The following GPAM variants were observed in gnomAD, a reference collection of about 807,000 sequenced individuals.
GPAM encodes the protein glycerol-3-phosphate acyltransferase, mitochondrial.
A neutral mutation model predicts 105.0 loss-of-function variants in GPAM; 56 were observed. The observed-to-expected ratio is 0.53, with a 90% CI of 0.43 to 0.67. GPAM has a LOEUF of 0.67. GPAM is among the 30% of genes least tolerant of loss of function. The pLI, the probability that GPAM is intolerant of heterozygous loss-of-function variation, is 0.00. For missense variants in GPAM, 855 were observed against 989.8 expected, an observed-to-expected ratio of 0.86 and a Z score of 1.83; for synonymous variants, 368 against 354.4, an observed-to-expected ratio of 1.04 and a Z score of -0.43.
chr10:112,159,847 G>T, intron 17 of GPAM, 64 bp downstream of exon 17: 5 of 1,493,130 alleles, frequency 3.3e-6, no homozygotes, highest in East Asian at 2.3e-5. Flanking sequence ...AAACACGGGG[G>T]GTTACGTTTT....
At chr10:112,171,312 A>G (rs1347405288) in intron 9 of GPAM, among the ~76,000 whole-genome samples, 1 of 152,100 alleles carries the variant, frequency 6.6e-6, no homozygotes, top group Non-Finnish European at 1.5e-5. Context: ...AATTCGAGCT[A>G]CTAAGTACTT....
At chr10:112,157,154 G>T in intron 19 of GPAM, 95 bp downstream of exon 19, 1 of 1,090,690 alleles carries the variant, frequency 9.2e-7, no homozygotes, top group Non-Finnish European at 1.4e-6. Flanking sequence ...GGATTCTTTA[G>T]ATAAGAAGAC....
chr10:112,171,272 G>A (rs61872275), intron 9 of GPAM, among the ~76,000 whole-genome samples: 13,631 of 152,014 alleles, frequency 0.09, 830 homozygotes, highest in South Asian at 0.18. Context: ...CCTCTATTGA[G>A]CCCCCATAGG....
intron 1 of GPAM, among the ~76,000 whole-genome samples, chr10:112,199,839 A>G (rs1289276042): frequency 1.3e-5 from 2 of 152,148 alleles, no homozygotes; most frequent in East Asian, 1.9e-4. Context: ...CCATGGGAAC[A>G]GTATGGGGGA....
rs1289474619 is a variant in GPAM, at chr10:112,168,348, A to G, written c.1071T>C (p.Asp357=). The G allele has an allele frequency of 6.2e-7, 1 of 1,609,752 alleles. No individual in the cohort carries two copies. Among genetic ancestry groups the G allele is most frequent in the Non-Finnish European group, 8.5e-7 (1 of 1,175,984 alleles). ...ILIIPVGISY[D]RIIEGHYNGE... ...CATTGTAGTGACCTTCGATAATGCG[A>G]TCATAGGAGATTCCAACAGGTATTA... The change falls in exon 11 of 22, where the codon GAT becomes GAC. Residue 357 remains aspartate, a synonymous_variant. Coordinates refer to ENST00000348367, the MANE Select transcript of GPAM (RefSeq NM_001244949.2).
chr10:112,169,609 C>T (rs1589588859), intron 9 of GPAM, among the ~76,000 whole-genome samples: 1 of 152,186 alleles, frequency 6.6e-6, no homozygotes, highest in Non-Finnish European at 1.5e-5. Context: ...TCTTTCCAAA[C>T]TCACAGCCTC....
intron 18 of GPAM, among the ~76,000 whole-genome samples, chr10:112,157,839 G>C (rs1399680325): frequency 6.6e-6 from 1 of 152,138 alleles, no homozygotes; most frequent in Non-Finnish European, 1.5e-5. Context: ...TTACAAATAG[G>C]AACCAAAATA....
chr10:112,170,944 G>A (rs1363730427), intron 9 of GPAM, among the ~76,000 whole-genome samples: 1 of 152,176 alleles, frequency 6.6e-6, no homozygotes, highest in Non-Finnish European at 1.5e-5. Flanking sequence ...TCTGAACCAA[G>A]GGATTAAGAA....
At chr10:112,164,311 G>A (rs1162001567) in intron 13 of GPAM, among the ~76,000 whole-genome samples, 1 of 152,134 alleles carries the variant, frequency 6.6e-6, no homozygotes, top group East Asian at 1.9e-4. Context: ...TCCTATATGA[G>A]TCACAAAATC....
At chr10:112,179,137 A>G (rs1847460978) in intron 4 of GPAM, among the ~76,000 whole-genome samples, 1 of 152,186 alleles carries the variant, frequency 6.6e-6, no homozygotes, top group South Asian at 2.1e-4. Context: ...ACCAATAAAA[A>G]CATTTTTAAA....
Position 112,151,322 on chromosome 10 carries a change from CG to C in GPAM, c.*2227del, listed in dbSNP as rs145414051. ...GGAAGCTTCATTGTGAAGATGCTTT[CG>C]TTTTTTTGTTTTTTGTTTTCAGTCA... On this transcript the variant is annotated 3_prime_UTR_variant, in exon 22 of 22. Coordinates refer to ENST00000348367, the MANE Select transcript of GPAM (RefSeq NM_001244949.2). 85,104 of 985,414 alleles carry C rather than the reference CG, an allele frequency of 0.086. 4,136 individuals carry two copies. Among genetic ancestry groups the C allele is most frequent in the East Asian group, 0.24 (2,144 of 8,812 alleles). The allele number at this position is 985,414 out of a possible 1,614,324, so 61.0% of individuals were successfully genotyped here.
chr10:112,226,494 G>A, the GPAM span, among the ~76,000 whole-genome samples: 1 of 152,136 alleles, frequency 6.6e-6, no homozygotes, highest in Non-Finnish European at 1.5e-5. Context: ...CCTGTGTTGG[G>A]GTGATCAGAC....
In GPAM at chr10:112,180,581, A is replaced by G. The variant is rs774647335; in HGVS notation, c.117T>C (p.Phe39=). The G allele has an allele frequency of 2.4e-5, 39 of 1,610,038 alleles. No homozygotes were observed. The African/African-American group carries it at 5.2e-4, about 22-fold the overall frequency. ...HTSEEWGECG[F]RPTIFRSATL... is the part of the protein sequence containing the mutation. ...TTGCAGATCTGAAGATGGTGGGTCT[A>G]AAGCCACACTCACCCTGACAAATAT... is the stretch of plus-strand genomic sequence containing the variant. The change falls in exon 4 of 22, where the codon TTT becomes TTC. Residue 39 remains phenylalanine (F), a synonymous_variant. Transcript: ENST00000348367.
chr10:112,194,287 G>A (rs112270654), intron 1 of GPAM, among the ~76,000 whole-genome samples: 2 of 152,106 alleles, frequency 1.3e-5, no homozygotes, highest in South Asian at 2.1e-4. Flanking sequence ...AATGACAATC[G>A]AACCACATTT....
chr10:112,177,035 T>A (rs1389256706), intron 5 of GPAM, among the ~76,000 whole-genome samples: 1 of 152,098 alleles, frequency 6.6e-6, no homozygotes, highest in Non-Finnish European at 1.5e-5. Context: ...TCTTATCATC[T>A]TATCAAAAAA....
intron 21 of GPAM, 172 bp from the exon 22 acceptor site, chr10:112,153,838 G>T: frequency 3.2e-6 from 2 of 628,850 alleles, no homozygotes; most frequent in Non-Finnish European, 5.4e-6. Context: ...TGAGGTGGGA[G>T]TTTCCAATGC....
chr10:112,203,988 G>A (rs1349491893), intron 1 of GPAM, among the ~76,000 whole-genome samples: 8 of 152,126 alleles, frequency 5.3e-5, no homozygotes, highest in African/African-American at 1.9e-4. Flanking sequence ...ACTGTGACAT[G>A]AGGCCTCTCT....
rs199822712 is a variant in GPAM at position 112,159,905 on chromosome 10, A to G, written c.1902+6T>C. ...GACCAGGCAACACTGAAGGGTCTTC[A>G]CTCACCAGTGAGATGGTGCCTTCAT... On this transcript the variant is annotated splice_donor_region_variant and intron_variant, in intron 17 of 21. Coordinates refer to ENST00000348367, the MANE Select transcript of GPAM (RefSeq NM_001244949.2). 2 of 1,613,428 alleles carry G rather than the reference A, an allele frequency of 1.2e-6. No homozygotes were observed. Among genetic ancestry groups the G allele is most frequent in the Non-Finnish European group, 1.7e-6 (2 of 1,179,540 alleles).
chr10:112,172,041 TA>T, intron 9 of GPAM, 140 bp downstream of exon 9: 1 of 662,264 alleles, frequency 1.5e-6, no homozygotes. Context: ...TTTTACACAA[TA>T]ACTATGTATC....
Sources: allele counts gnomAD v4.1 joint callset (sites outside exome capture counted in the v4.1 genomes callset), GRCh38; gene constraint gnomAD v4.1.1; transcripts MANE v1.5; gene names NCBI Gene and HGNC (gene_info 2026-07-23, HGNC 2026-07-21).